Variants in DOCK3 observed in about 807,000 individuals in gnomAD.
The protein encoded by DOCK3 is dedicator of cytokinesis protein 3.
Under a neutral mutation model 265.6 loss-of-function variants are expected in DOCK3, and 60 were observed. The ratio of observed to expected loss-of-function variants is 0.23; its 90% CI spans 0.18 to 0.28. The LOEUF (loss-of-function observed/expected upper bound fraction) is 0.28. Among genes scored for constraint, DOCK3 ranks in the 10% least tolerant of loss-of-function variants. The pLI is 1.00. For missense variants in DOCK3, 1,981 were observed against 2,594.3 expected, an observed-to-expected ratio of 0.76 and a Z score of 5.14; for synonymous variants, 881 against 938.0, an observed-to-expected ratio of 0.94 and a Z score of 1.11.
intron 2 of DOCK3, among the ~76,000 whole-genome samples, chr3:50,825,708 T>G (rs774858836): frequency 6.6e-6 from 1 of 152,132 alleles, no homozygotes; most frequent in Non-Finnish European, 1.5e-5. Flanking sequence ...TCCTTTCCCC[T>G]TTCAAGTAGG....
intron 28 of DOCK3, among the ~76,000 whole-genome samples, chr3:51,311,658 C>G (rs2083072703): frequency 6.6e-6 from 1 of 152,164 alleles, no homozygotes; most frequent in Non-Finnish European, 1.5e-5. Flanking sequence ...CTACTCTGAA[C>G]TGGGAGAAAC....
chr3:50,930,252 A>G (rs895754402), intron 4 of DOCK3, among the ~76,000 whole-genome samples: 1 of 152,272 alleles, frequency 6.6e-6, no homozygotes, highest in Non-Finnish European at 1.5e-5. Context: ...TTAGTAAAAC[A>G]CAACACTCCT....
chr3:51,108,930 A>G (rs2083400265), intron 9 of DOCK3, among the ~76,000 whole-genome samples: 1 of 152,226 alleles, frequency 6.6e-6, no homozygotes, highest in Non-Finnish European at 1.5e-5. Context: ...CCACACAACA[A>G]TAGTGGGAGA....
chr3:51,190,600 G>C (rs763276291), intron 12 of DOCK3, among the ~76,000 whole-genome samples: 20 of 152,192 alleles, frequency 1.3e-4, no homozygotes, highest in Admixed American at 9.8e-4. Context: ...ATTCTGCAAT[G>C]AACTGTGTCA....
chr3:51,133,885 T>TAC (rs1560106476), intron 9 of DOCK3, among the ~76,000 whole-genome samples: 1 of 152,166 alleles, frequency 6.6e-6, no homozygotes, highest in Non-Finnish European at 1.5e-5. Context: ...ACCCAGGTAC[T>TAC]AAGCCTAGTA....
At chr3:50,952,933 A>G (rs1274538140) in intron 5 of DOCK3, among the ~76,000 whole-genome samples, 5 of 152,160 alleles carry the variant, frequency 3.3e-5, no homozygotes, top group Admixed American at 2.0e-4. Context: ...TGTGGCATGT[A>G]TGAAGTACTG....
intron 12 of DOCK3, among the ~76,000 whole-genome samples, chr3:51,164,077 T>C (rs1387564658): frequency 6.6e-6 from 1 of 152,190 alleles, no homozygotes; most frequent in Non-Finnish European, 1.5e-5. Flanking sequence ...TGGAAATTCA[T>C]CTTGAGGCAC....
intron 3 of DOCK3, among the ~76,000 whole-genome samples, chr3:50,885,036 A>C (rs1034929033): frequency 3.9e-5 from 6 of 152,178 alleles, no homozygotes; most frequent in South Asian, 2.1e-4. Context: ...CTTGTGTGCC[A>C]CCTGTTCATC....
intron 3 of DOCK3, among the ~76,000 whole-genome samples, chr3:50,845,862 A>G (rs1480951812): frequency 1.3e-5 from 2 of 152,208 alleles, no homozygotes; most frequent in Admixed American, 6.5e-5. Context: ...AAATACTATA[A>G]TGGGTAAAAT....
chr3:51,065,229 C>T lies in DOCK3; in HGVS notation c.464+633C>T, dbSNP rs566523415. Among the ~76,000 whole-genome samples the T allele has an allele frequency of 2.3e-3, 355 of 152,074 alleles. 1 individual carries two copies. The highest frequency in any genetic ancestry group is 4.1e-3 in the Admixed American group (63 of 15,280). ...ATAACTTTATAATTGATATAAATTT[C>T]AGGTGCTTTTGTCTCATTCTCTTAA... On this transcript the variant is annotated intron_variant, in intron 6 of 52. Coordinates refer to ENST00000266037, the MANE Select transcript of DOCK3 (RefSeq NM_004947.5).
At chr3:51,275,022 C>T (rs1187616207) in intron 24 of DOCK3, 57 bp from the exon 25 acceptor site, 2 of 1,609,790 alleles carry the variant, frequency 1.2e-6, no homozygotes, top group Admixed American at 1.7e-5. Context: ...CCACTGGCTT[C>T]CTGCAGTAGC....
intron 3 of DOCK3, among the ~76,000 whole-genome samples, chr3:50,884,744 CT>C (rs35369557): frequency 2.1e-4 from 31 of 148,390 alleles, no homozygotes; most frequent in African/African-American, 1.5e-4. Context: ...TCAAATTAGA[CT>C]TTTTTTTTTA....
chr3:50,747,039 C>T (rs2039491439), intron 1 of DOCK3, among the ~76,000 whole-genome samples: 1 of 152,122 alleles, frequency 6.6e-6, no homozygotes, highest in Non-Finnish European at 1.5e-5. Flanking sequence ...CATTTGTTCC[C>T]ACACCATTTG....
In DOCK3 at chr3:51,090,267, G is replaced by A. The variant is rs867973581; in HGVS notation, c.629G>A (p.Arg210Gln). 5.0e-6 allele frequency: 8 copies of A among 1,597,542 alleles called. No homozygotes were observed. Among genetic ancestry groups the A allele is most frequent in the African/African-American group, 2.7e-5 (2 of 74,564 alleles). The change falls in exon 9 of 53, where the codon CGG (arginine) becomes CAG (glutamine). Residue 210 changes from arginine to glutamine, a missense_variant. Transcript: ENST00000266037. ...TMRPRHGETC[R>Q]MPVPHHFFLS... ...CGCCCACGTCATGGGGAAACATGTCGGATGCCAGTGCCACATCACTTCTTC... is the reference window on the plus strand; with the variant it reads ...CGCCCACGTCATGGGGAAACATGTCAGATGCCAGTGCCACATCACTTCTTC...
intron 2 of DOCK3, among the ~76,000 whole-genome samples, chr3:50,809,325 G>A (rs1471102034): frequency 2.0e-5 from 3 of 152,190 alleles, no homozygotes; most frequent in Non-Finnish European, 4.4e-5. Flanking sequence ...ATGGAAAGGT[G>A]CTTAATCTCA....
At chr3:51,073,104 A>G (rs185194207) in intron 6 of DOCK3, among the ~76,000 whole-genome samples, 2 of 152,154 alleles carry the variant, frequency 1.3e-5, no homozygotes, top group South Asian at 2.1e-4. Flanking sequence ...ATAGATCTCA[A>G]ATGATTAAAG....
At chr3:51,253,236 T>C (rs960376228) in intron 22 of DOCK3, among the ~76,000 whole-genome samples, 1 of 152,246 alleles carries the variant, frequency 6.6e-6, no homozygotes, top group Admixed American at 6.5e-5. Context: ...GCAGATAAGC[T>C]TTTTGATGTG....
chr3:51,329,260 G>A (rs976381301), intron 32 of DOCK3, among the ~76,000 whole-genome samples: 1 of 152,192 alleles, frequency 6.6e-6, no homozygotes, highest in Admixed American at 6.5e-5. Flanking sequence ...AAAAGTGGCT[G>A]AGATCAGGAT....
intron 4 of DOCK3, among the ~76,000 whole-genome samples, chr3:50,918,239 T>C (rs1575527136): frequency 6.6e-6 from 1 of 152,296 alleles, no homozygotes; most frequent in East Asian, 1.9e-4. Flanking sequence ...TGTGTCTTTA[T>C]AGTAGCATGC....
Sources: allele counts gnomAD v4.1 joint callset (sites outside exome capture counted in the v4.1 genomes callset), GRCh38; gene constraint gnomAD v4.1.1; transcripts MANE v1.5; gene names NCBI Gene and HGNC (gene_info 2026-07-23, HGNC 2026-07-21).